Variants in VEGFC observed in about 807,000 individuals in gnomAD.
The protein encoded by VEGFC is vascular endothelial growth factor C.
In VEGFC, 12 loss-of-function variants were observed where a neutral mutation model predicts 46.1. The observed-to-expected ratio is 0.26, with a 90% CI of 0.17 to 0.42. The LOEUF (loss-of-function observed/expected upper bound fraction) is 0.42, where lower values mean the gene tolerates loss of function less well. VEGFC is among the 10% of genes least tolerant of loss of function. The pLI is 1.00. For missense variants in VEGFC, 488 were observed against 529.4 expected (o/e 0.92, Z 0.77); for synonymous variants, 232 against 195.5 (o/e 1.19, Z -1.56).
At chr4:176,723,545 A>AGT (rs1734824330) in intron 3 of VEGFC, among the ~76,000 whole-genome samples, 1 of 139,776 alleles carries the variant, frequency 7.2e-6, no homozygotes, top group African/African-American at 2.9e-5. Context: ...CTTTTATTTT[A>AGT]AGTTTGGGGT....
intron 1 of VEGFC, among the ~76,000 whole-genome samples, chr4:176,760,676 T>C (rs1735513792): frequency 6.6e-6 from 1 of 152,212 alleles, no homozygotes; most frequent in African/African-American, 2.4e-5. Context: ...AGCTGTTCTC[T>C]AAAACACAGA....
At chr4:176,734,236 C>T (rs1451612232) in intron 1 of VEGFC, among the ~76,000 whole-genome samples, 1 of 151,636 alleles carries the variant, frequency 6.6e-6, no homozygotes, top group African/African-American at 2.4e-5. Flanking sequence ...CATAAACATA[C>T]AATAAGTATG....
chr4:176,685,831 T>C (rs1734032780), intron 6 of VEGFC, among the ~76,000 whole-genome samples: 2 of 152,130 alleles, frequency 1.3e-5, no homozygotes, highest in Admixed American at 6.5e-5. Context: ...AAGAAAAATA[T>C]AATCAATGAG....
intron 4 of VEGFC, among the ~76,000 whole-genome samples, chr4:176,694,805 A>C (rs1734277995): frequency 6.9e-6 from 1 of 144,890 alleles, no homozygotes; most frequent in Admixed American, 6.9e-5. Flanking sequence ...CAATCAAACT[A>C]GAACTCAGGA....
At chr4:176,752,192 G>T (rs577673770) in intron 1 of VEGFC, among the ~76,000 whole-genome samples, 1 of 152,044 alleles carries the variant, frequency 6.6e-6, no homozygotes, top group Admixed American at 6.6e-5. Context: ...GGCCTTCATG[G>T]AGTTAATGAA....
chr4:176,777,062 C>A (rs962631450), intron 1 of VEGFC, among the ~76,000 whole-genome samples: 1 of 152,122 alleles, frequency 6.6e-6, no homozygotes, highest in East Asian at 1.9e-4. Context: ...GCCTGTAATC[C>A]CAGCACTTTG....
At chr4:176,718,821 A>G (rs1734736221) in intron 3 of VEGFC, among the ~76,000 whole-genome samples, 1 of 152,134 alleles carries the variant, frequency 6.6e-6, no homozygotes, top group Non-Finnish European at 1.5e-5. Flanking sequence ...TTTTAATCCA[A>G]ATGTGTGCCT....
At chr4:176,725,106 A>C (rs1017083838) in intron 3 of VEGFC, among the ~76,000 whole-genome samples, 1 of 152,240 alleles carries the variant, frequency 6.6e-6, no homozygotes, top group African/African-American at 2.4e-5. Context: ...TAAATGTTTG[A>C]GATGATGGAT....
At chr4:176,737,405 CA>C (rs1481369764) in intron 1 of VEGFC, among the ~76,000 whole-genome samples, 1 of 148,698 alleles carries the variant, frequency 6.7e-6, no homozygotes, top group East Asian at 2.0e-4. Flanking sequence ...CTCTTTTTAA[CA>C]TTTCTATGTT....
chr4:176,701,128 C>T (rs567111793), intron 4 of VEGFC, among the ~76,000 whole-genome samples: 13 of 152,300 alleles, frequency 8.5e-5, no homozygotes, highest in Admixed American at 7.8e-4. Flanking sequence ...ATGTCAGTAT[C>T]GGCTCCTCAA....
intron 1 of VEGFC, among the ~76,000 whole-genome samples, chr4:176,732,016 T>A (rs1457196882): frequency 6.6e-6 from 1 of 151,982 alleles, no homozygotes; most frequent in African/African-American, 2.4e-5. Flanking sequence ...ATTATATTTA[T>A]ACTCTTAGGC....
At chr4:176,769,645 G>C (rs1418236270) in intron 1 of VEGFC, among the ~76,000 whole-genome samples, 1 of 152,160 alleles carries the variant, frequency 6.6e-6, no homozygotes, top group Non-Finnish European at 1.5e-5. Context: ...GATGGAGTTA[G>C]AATTCTAACA....
At chr4:176,717,653 T>C (rs1248950832) in intron 3 of VEGFC, among the ~76,000 whole-genome samples, 1 of 152,086 alleles carries the variant, frequency 6.6e-6, no homozygotes, top group Non-Finnish European at 1.5e-5. Context: ...TAAAACACCA[T>C]TATATCCTAA....
At chr4:176,731,775 G>A (rs536436081) in intron 1 of VEGFC, among the ~76,000 whole-genome samples, 46 of 151,958 alleles carry the variant, frequency 3.0e-4, no homozygotes, top group African/African-American at 9.6e-4. Context: ...GATATTCACC[G>A]AACTGTTAAG....
chr4:176,730,590 T>G (rs1347043009), intron 1 of VEGFC, among the ~76,000 whole-genome samples: 1 of 152,136 alleles, frequency 6.6e-6, no homozygotes, highest in African/African-American at 2.4e-5. Flanking sequence ...AATATAAATA[T>G]GTAAGTAAAT....
In VEGFC at chr4:176,705,643, C is replaced by T. The variant is rs774655454; in HGVS notation, c.704+5856G>A. ...TGTAGGATGTTAGTAAAAATAGTAG[C>T]GATCATTTATTGAATGCTTAATATG... On this transcript the variant is annotated intron_variant, in intron 4 of 6. Coordinates refer to ENST00000618562, the MANE Select transcript of VEGFC (RefSeq NM_005429.5). Among the ~76,000 whole-genome samples, 6 of 151,994 alleles carry T rather than the reference C, an allele frequency of 3.9e-5. No individual in the cohort carries two copies. In the South Asian group the frequency reaches 6.2e-4, roughly 16 times the overall value.
chr4:176,748,710 C>T (rs1247610942), intron 1 of VEGFC, among the ~76,000 whole-genome samples: 6 of 151,936 alleles, frequency 3.9e-5, no homozygotes, highest in East Asian at 1.9e-4. Context: ...TGAGCACTGT[C>T]GCATATTTTA....
intron 3 of VEGFC, among the ~76,000 whole-genome samples, chr4:176,720,663 AACCCCATCTCTACTACAAAT>A (rs1285513258): frequency 7.9e-5 from 12 of 151,846 alleles, no homozygotes; most frequent in African/African-American, 2.9e-4. Context: ...AACATGGTGA[AACCCCATCTCTACTACAAAT>A]ACAAAAAATT....
chr4:176,769,531 T>C (rs1735688304), intron 1 of VEGFC, among the ~76,000 whole-genome samples: 1 of 152,156 alleles, frequency 6.6e-6, no homozygotes, highest in South Asian at 2.1e-4. Flanking sequence ...CTAGCAGATA[T>C]TACATTAATA....
Sources: allele counts gnomAD v4.1 joint callset (sites outside exome capture counted in the v4.1 genomes callset), GRCh38; gene constraint gnomAD v4.1.1; transcripts MANE v1.5; gene names NCBI Gene and HGNC (gene_info 2026-07-23, HGNC 2026-07-21).